The following SLC24A3 variants were observed in gnomAD, a reference collection of about 807,000 sequenced individuals.
SLC24A3 encodes the protein solute carrier family 24 member 3.
Under a neutral mutation model 75.8 loss-of-function variants are expected in SLC24A3, and 28 were observed. That is an observed-to-expected ratio of 0.37 (90% CI 0.27 to 0.51). SLC24A3 has a LOEUF of 0.51. Ranked by LOEUF, SLC24A3 falls within the 20% of genes least tolerant of loss-of-function variation. The pLI is 0.94. For synonymous variants in SLC24A3, 372 were observed against 334.1 expected (o/e 1.11, Z -1.24); for missense variants, 663 against 847.8 (o/e 0.78, Z 2.71).
At position 19,512,644 on chromosome 20, in the gene SLC24A3, A is replaced by T. The variant is rs78600536; in HGVS notation, c.272-2844A>T. 7.0e-3 allele frequency among the ~76,000 whole-genome samples: 1,066 copies of T among 152,332 alleles called. 10 individuals carry two copies. The highest frequency in any genetic ancestry group is 0.025 in the African/African-American group (1,035 of 41,572). On this transcript the variant is annotated intron_variant, in intron 2 of 16. Transcript: ENST00000328041. ...TGACATGGTGTCCTTGGTGGAACAG[A>T]TGTGCTCCCTGGCCCTCAGTGGCCT...
chr20:19,639,684 G>A (rs997094960), intron 6 of SLC24A3, among the ~76,000 whole-genome samples: 8 of 152,232 alleles, frequency 5.3e-5, no homozygotes, highest in African/African-American at 1.9e-4. Context: ...AGCAGGGGGC[G>A]GCGCTCAATG....
chr20:19,363,389 T>C (rs1040062516), intron 2 of SLC24A3, among the ~76,000 whole-genome samples: 3 of 152,266 alleles, frequency 2.0e-5, no homozygotes, highest in Non-Finnish European at 4.4e-5. Flanking sequence ...TTTATGCAGA[T>C]ATCTAAGTTC....
intron 1 of SLC24A3, among the ~76,000 whole-genome samples, chr20:19,250,262 A>T (rs1373547658): frequency 2.6e-5 from 4 of 152,324 alleles, no homozygotes. Context: ...TTTTAAAGTT[A>T]CCTCTCACTT....
intron 2 of SLC24A3, among the ~76,000 whole-genome samples, chr20:19,491,762 A>G (rs1383387667): frequency 6.6e-6 from 1 of 152,208 alleles, no homozygotes; most frequent in East Asian, 1.9e-4. Flanking sequence ...GAAGGGAAGG[A>G]ACCAAATTGA....
At chr20:19,688,998 T>C (rs1427956950) in intron 12 of SLC24A3, among the ~76,000 whole-genome samples, 1 of 152,162 alleles carries the variant, frequency 6.6e-6, no homozygotes, top group Non-Finnish European at 1.5e-5. Context: ...ACATCTACAC[T>C]TGGTATATGC....
chr20:19,446,570 A>G (rs1987389348), intron 2 of SLC24A3, among the ~76,000 whole-genome samples: 1 of 152,198 alleles, frequency 6.6e-6, no homozygotes, highest in South Asian at 2.1e-4. Context: ...GGTGACTTGG[A>G]TGAGAAGTTT....
At chr20:19,393,535 A>G (rs1449799701) in intron 2 of SLC24A3, among the ~76,000 whole-genome samples, 5 of 152,208 alleles carry the variant, frequency 3.3e-5, no homozygotes, top group Non-Finnish European at 7.3e-5. Context: ...ACATACAAAA[A>G]TCAGTTGCAT....
intron 2 of SLC24A3, among the ~76,000 whole-genome samples, chr20:19,290,525 G>GA (rs1437275638): frequency 2.6e-5 from 4 of 152,202 alleles, no homozygotes; most frequent in Admixed American, 2.6e-4. Context: ...GCTAGAGTGA[G>GA]AAAATGTCAT....
intron 6 of SLC24A3, among the ~76,000 whole-genome samples, chr20:19,633,348 C>G (rs941916763): frequency 6.6e-6 from 1 of 152,260 alleles, no homozygotes; most frequent in South Asian, 2.1e-4. Flanking sequence ...CAAATTCATT[C>G]TTATAAGAAT....
At chr20:19,281,132 G>A (rs77985367) in intron 2 of SLC24A3, 45 bp downstream of exon 2, 72 of 1,604,052 alleles carry the variant, frequency 4.5e-5, no homozygotes, top group Non-Finnish European at 6.0e-5. Context: ...CATTTTCTCT[G>A]GCTATGGCTG....
intron 2 of SLC24A3, among the ~76,000 whole-genome samples, chr20:19,288,147 A>G (rs1356399633): frequency 6.6e-6 from 1 of 152,226 alleles, no homozygotes; most frequent in African/African-American, 2.4e-5. Context: ...TAGATTATTT[A>G]GTGTCATTCA....
At chr20:19,595,067 G>A (rs1043700520) in intron 6 of SLC24A3, among the ~76,000 whole-genome samples, 2 of 152,154 alleles carry the variant, frequency 1.3e-5, no homozygotes, top group Non-Finnish European at 2.9e-5. Context: ...ATTGCCCCCA[G>A]GAACAGTGTA....
intron 15 of SLC24A3, among the ~76,000 whole-genome samples, chr20:19,711,607 C>T (rs1406496684): frequency 3.9e-5 from 6 of 152,356 alleles, no homozygotes; most frequent in African/African-American, 1.4e-4. Flanking sequence ...CACACAAACA[C>T]ACACACCCAT....
At chr20:19,683,903 TGGAAAGAAGGAA>T (rs1568696998) in intron 10 of SLC24A3, among the ~76,000 whole-genome samples, 3 of 151,996 alleles carry the variant, frequency 2.0e-5, no homozygotes, top group South Asian at 2.1e-4. Flanking sequence ...GCTGGATGAA[TGGAAAGAAGGAA>T]GGAAAGAAGG....
chr20:19,636,707 A>G (rs2032006930), intron 6 of SLC24A3, among the ~76,000 whole-genome samples: 1 of 152,156 alleles, frequency 6.6e-6, no homozygotes, highest in South Asian at 2.1e-4. Context: ...ACACCTGCAA[A>G]GAACACTCAC....
intron 2 of SLC24A3, among the ~76,000 whole-genome samples, chr20:19,453,406 T>C (rs1987525718): frequency 6.6e-6 from 1 of 152,196 alleles, no homozygotes; most frequent in South Asian, 2.1e-4. Context: ...TATAATGGCA[T>C]GTCTGCACTT....
intron 6 of SLC24A3, among the ~76,000 whole-genome samples, chr20:19,649,018 G>A (rs545620527): frequency 2.5e-4 from 38 of 152,324 alleles, no homozygotes; most frequent in Admixed American, 4.6e-4. Context: ...CTCACTGTTG[G>A]TTTTCTACTG....
intron 15 of SLC24A3, among the ~76,000 whole-genome samples, chr20:19,707,515 G>C (rs908034802): frequency 3.9e-5 from 6 of 152,186 alleles, no homozygotes; most frequent in Admixed American, 3.9e-4. Context: ...TTTTAGCAAG[G>C]CAATGGCATG....
intron 2 of SLC24A3, among the ~76,000 whole-genome samples, chr20:19,389,293 A>T (rs1373923335): frequency 6.6e-6 from 1 of 152,170 alleles, no homozygotes; most frequent in Non-Finnish European, 1.5e-5. Flanking sequence ...TCTCAATTTG[A>T]CTATATTCTT....
Sources: allele counts gnomAD v4.1 joint callset (sites outside exome capture counted in the v4.1 genomes callset), GRCh38; gene constraint gnomAD v4.1.1; transcripts MANE v1.5; gene names NCBI Gene and HGNC (gene_info 2026-07-23, HGNC 2026-07-21).